The following SIN3B variants were observed in gnomAD, a reference collection of about 807,000 sequenced individuals.
SIN3B encodes the protein paired amphipathic helix protein Sin3b.
Under a neutral mutation model 120.2 loss-of-function variants are expected in SIN3B, and 19 were observed. The observed-to-expected ratio is 0.16, with a 90% CI of 0.11 to 0.23. SIN3B has a LOEUF of 0.23. SIN3B is among the 10% of genes least tolerant of loss of function. SIN3B has a pLI of 1.00. For synonymous variants in SIN3B, 654 were observed against 653.2 expected, an observed-to-expected ratio of 1.00 and a Z score of -0.02; for missense variants, 1,073 against 1,573.0, an observed-to-expected ratio of 0.68 and a Z score of 5.38.
At chr19:16,870,674 C>CT (rs1245081029) in intron 13 of SIN3B, among the ~76,000 whole-genome samples, 1 of 152,114 alleles carries the variant, frequency 6.6e-6, no homozygotes, top group East Asian at 1.9e-4. Flanking sequence ...GCCTCAGCCT[C>CT]TGAGTAGCTG....
Position 16,869,600 on chromosome 19 carries a change from G to A in SIN3B, c.1947G>A (p.Lys649=). The A allele has an allele frequency of 6.2e-7, 1 of 1,613,556 alleles. No homozygotes were observed. Among genetic ancestry groups the A allele is most frequent in the Non-Finnish European group, 8.5e-7 (1 of 1,180,040 alleles). ...YYVKRQPAIQ[K]EDQGTIHQLL... ...TGAAGCGGCAGCCGGCCATCCAGAA[G>A]GAGGACCAGGGCACCATCCACCAGC... is the stretch of plus-strand genomic sequence containing the variant. The change falls in exon 13 of 19, where the codon AAG becomes AAA. Residue 649 remains lysine, a synonymous_variant. Transcript: ENST00000248054.
rs796563187 is a variant in SIN3B at position 16,866,688 on chromosome 19, G to A, written c.1806+132G>A. 1.2e-4 allele frequency: 95 copies of A among 825,996 alleles called. 1 individual carries two copies. Among genetic ancestry groups the A allele is most frequent in the African/African-American group, 1.1e-3 (61 of 57,804 alleles). 51.2% of individuals were successfully genotyped at this position (825,996 alleles called of 1,614,324 possible). ...TGCCCTTTCAGGGCTGTGTTGAGGC[G>A]AGGGTTCATGTCTCTGTGATGCCCA... On this transcript the variant is annotated intron_variant, in intron 12 of 18. Transcript: ENST00000248054.
chr19:16,850,068 TC>T (rs1486275433), intron 5 of SIN3B, among the ~76,000 whole-genome samples: 3 of 151,648 alleles, frequency 2.0e-5, no homozygotes, highest in Non-Finnish European at 2.9e-5. Flanking sequence ...CCCAAATAAT[TC>T]CCCCCAAAAC....
intron 5 of SIN3B, among the ~76,000 whole-genome samples, chr19:16,847,871 C>A (rs1412402959): frequency 6.6e-6 from 1 of 152,206 alleles, no homozygotes; most frequent in South Asian, 2.1e-4. Flanking sequence ...TTTCATCCCC[C>A]TGAAAGGAGA....
At chr19:16,842,198 C>T (rs1259147384) in intron 4 of SIN3B, among the ~76,000 whole-genome samples, 1 of 152,020 alleles carries the variant, frequency 6.6e-6, no homozygotes, top group Non-Finnish European at 1.5e-5. Context: ...AGCCATCCTC[C>T]AACTTCAGCC....
chr19:16,851,263 A>G, intron 5 of SIN3B, 149 bp from the exon 6 acceptor site: 1 of 777,942 alleles, frequency 1.3e-6, no homozygotes, highest in Non-Finnish European at 1.9e-6. Flanking sequence ...TGCTGGAGTC[A>G]CCTCACGCAT....
chr19:16,869,807 T>G lies in SIN3B; in HGVS notation c.2154T>G (p.Asp718Glu), dbSNP rs1369429775. The G allele has an allele frequency of 1.9e-6, 3 of 1,613,538 alleles. No homozygotes were observed. The highest frequency in any genetic ancestry group is 1.3e-5 in the African/African-American group (1 of 74,912). Residue 718 changes from aspartate to glutamate, a missense_variant, in exon 13 of 19, where the codon GAT becomes GAG. Coordinates refer to ENST00000248054, the MANE Select transcript of SIN3B (RefSeq NM_001297595.2). ...SPPEEKGAFG[D>E]APATEQPPLP... is the part of the protein sequence containing the mutation. ...CAGAGGAGAAGGGGGCCTTCGGGGA[T>G]GCCCCGGCCACTGAGCAGCCACCCC...
At position 16,870,001 on chromosome 19, in the gene SIN3B, G is replaced by T. The variant is rs768533260; in HGVS notation, c.2348G>T (p.Arg783Leu). 6.2e-7 allele frequency: 1 copy of T among 1,613,648 alleles called. No individual in the cohort carries two copies. Among genetic ancestry groups the T allele is most frequent in the Non-Finnish European group, 8.5e-7 (1 of 1,179,976 alleles). ...CTGGAGTATCGGACCGAGAAGGAGCGGGAGAAGCTGCTGTGTGAGGGCCGC... is the reference window on the plus strand; with the variant it reads ...CTGGAGTATCGGACCGAGAAGGAGCTGGAGAAGCTGCTGTGTGAGGGCCGC... ...QLLEYRTEKE[R>L]EKLLCEGRRE... Residue 783 changes from arginine to leucine, a missense_variant, in exon 13 of 19, where the codon CGG becomes CTG. By Grantham distance (102) the Arg-to-Leu change is moderately radical. Coordinates refer to ENST00000248054, the MANE Select transcript of SIN3B (RefSeq NM_001297595.2).
intron 3 of SIN3B, among the ~76,000 whole-genome samples, chr19:16,840,976 C>G (rs1392318427): frequency 6.6e-6 from 1 of 152,088 alleles, no homozygotes; most frequent in Non-Finnish European, 1.5e-5. Flanking sequence ...CTTATCCAAG[C>G]AAAAACCTCA....
intron 2 of SIN3B, among the ~76,000 whole-genome samples, chr19:16,830,807 T>C (rs887017469): frequency 1.2e-4 from 19 of 152,242 alleles, no homozygotes; most frequent in Admixed American, 3.9e-4. Context: ...ACCTGTGTCA[T>C]AGTCATCTCT....
intron 14 of SIN3B, chr19:16,872,571 G>C (rs996937445): frequency 6.6e-6 from 1 of 152,066 alleles, no homozygotes; most frequent in Non-Finnish European, 1.5e-5. Flanking sequence ...AGCCTCCTGA[G>C]TAGCTGAGAT....
intron 4 of SIN3B, among the ~76,000 whole-genome samples, 200 bp downstream of exon 4, chr19:16,842,168 A>G (rs147289635): frequency 2.4e-4 from 36 of 149,816 alleles, no homozygotes; most frequent in African/African-American, 8.4e-4. Flanking sequence ...GCTCATTGCA[A>G]CCTCCACCTC....
In SIN3B at chr19:16,880,208, A is replaced by G. The variant is rs928536980; in HGVS notation, c.*1481A>G. The G allele has an allele frequency of 2.0e-5, 3 of 152,128 alleles. No individual in the cohort carries two copies. Among genetic ancestry groups the G allele is most frequent in the African/African-American group, 7.2e-5 (3 of 41,406 alleles). The allele number at this position is 152,128 out of a possible 1,614,324, so 9.4% of individuals were successfully genotyped here. A position where few individuals can be genotyped will look rare whatever the true frequency, so the allele number is the denominator to read the frequency against. ...CCGAGCCCCTCCTCCCAGTATTCCCATCCCCGCATGCTTCTAGGGAGCGCC... is the reference window on the plus strand; with the variant it reads ...CCGAGCCCCTCCTCCCAGTATTCCCGTCCCCGCATGCTTCTAGGGAGCGCC... On this transcript the variant is annotated 3_prime_UTR_variant, in exon 19 of 19. Coordinates refer to ENST00000248054, the MANE Select transcript of SIN3B (RefSeq NM_001297595.2).
chr19:16,850,072 C>T (rs1971525994), intron 5 of SIN3B, among the ~76,000 whole-genome samples: 1 of 151,922 alleles, frequency 6.6e-6, no homozygotes, highest in South Asian at 2.1e-4. Flanking sequence ...AATAATTCCC[C>T]CCAAAACTCA....
chr19:16,876,343 A>G lies in SIN3B; in HGVS notation c.2766+115A>G. The G allele has an allele frequency of 7.2e-7, 1 of 1,396,878 alleles. No homozygotes were observed. The highest frequency in any genetic ancestry group is 9.8e-7 in the Non-Finnish European group (1 of 1,023,524). 86.5% of individuals were successfully genotyped at this position (1,396,878 alleles called of 1,614,324 possible). On this transcript the variant is annotated intron_variant, in intron 15 of 18. Transcript: ENST00000248054. This position sits in a 1 kb window ranked among gnomAD's most constrained non-coding sequence, Gnocchi z 7.1. ...GGCTGGGACACCGGCCCTGCTGCAG[A>G]GCCCATGAGGTACCTTTGACCTGCA...
intron 10 of SIN3B, 95 bp from the exon 11 acceptor site, chr19:16,865,315 C>CG (rs1971751842): frequency 1.1e-5 from 6 of 550,740 alleles, no homozygotes; most frequent in East Asian, 3.5e-5. Context: ...CACCCCCCCC[C>CG]CAAAAAAATC....
At chr19:16,867,782 C>T (rs931042534) in intron 12 of SIN3B, among the ~76,000 whole-genome samples, 1 of 152,174 alleles carries the variant, frequency 6.6e-6, no homozygotes, top group Non-Finnish European at 1.5e-5. Context: ...GACCCCCTTC[C>T]CTCCCACCTC....
intron 8 of SIN3B, chr19:16,854,695 G>A (rs555892087): frequency 2.5e-4 from 40 of 158,994 alleles, no homozygotes; most frequent in Admixed American, 3.9e-4. Flanking sequence ...CCCAGCCTGA[G>A]TGAGTGTGGC....
chr19:16,869,444 G>A lies in SIN3B; in HGVS notation c.1807-16G>A, dbSNP rs375930381. On this transcript the variant is annotated splice_polypyrimidine_tract_variant and intron_variant, in intron 12 of 18. Transcript: ENST00000248054. ...CTGGGTGGCTTTCCACCTAATGGCCGCCCTTCCCCCCACAGCACCAGGAGC... is the reference window on the plus strand; with the variant it reads ...CTGGGTGGCTTTCCACCTAATGGCCACCCTTCCCCCCACAGCACCAGGAGC... 25 of 1,592,010 alleles carry A rather than the reference G, an allele frequency of 1.6e-5. No individual in the cohort carries two copies. Among genetic ancestry groups the A allele is most frequent in the African/African-American group, 2.7e-5 (2 of 74,646 alleles).
Sources: allele counts gnomAD v4.1 joint callset (sites outside exome capture counted in the v4.1 genomes callset), GRCh38; gene constraint gnomAD v4.1.1; non-coding constraint Gnocchi (gnomAD v3.1); transcripts MANE v1.5; gene names NCBI Gene and HGNC (gene_info 2026-07-23, HGNC 2026-07-21).